Variants in UGGT1 observed in about 807,000 individuals in gnomAD.
The protein encoded by UGGT1 is UDP-glucose:glycoprotein glucosyltransferase 1.
In UGGT1, 107 loss-of-function variants were observed where a neutral mutation model predicts 203.9. The observed-to-expected ratio is 0.52, with a 90% CI of 0.45 to 0.62. The LOEUF (loss-of-function observed/expected upper bound fraction) is 0.62. Among genes scored for constraint, UGGT1 ranks in the 20% least tolerant of loss-of-function variants. The pLI is 0.00. For synonymous variants in UGGT1, 628 were observed against 653.5 expected, an observed-to-expected ratio of 0.96 and a Z score of 0.59; for missense variants, 1,673 against 1,867.2, an observed-to-expected ratio of 0.90 and a Z score of 1.92.
At position 128,187,491 on chromosome 2, in the gene UGGT1, G is replaced by A. The variant is rs750336555; in HGVS notation, c.4519G>A (p.Val1507Met). The A allele has an allele frequency of 6.2e-7, 1 of 1,614,168 alleles. No homozygotes were observed. The highest frequency in any genetic ancestry group is 1.1e-5 in the South Asian group (1 of 91,074). Residue 1507 changes from valine to methionine, a missense_variant, in exon 40 of 41, where the codon GTG (valine) becomes ATG (methionine). By Grantham distance (21) the Val-to-Met change is conservative (BLOSUM62 1). Transcript: ENST00000259253. ...MTKEPKLEAAVRIVPEWQDYD... is the reference protein window; with the variant it reads ...MTKEPKLEAAMRIVPEWQDYD... ...CAAAGAGCCGAAACTGGAAGCAGCT[G>A]TGCGGATTGTCCCGGAGTGGCAGGA...
In UGGT1 at chr2:128,159,785, G is replaced by C. The variant is rs1690438683; in HGVS notation, c.2562+65G>C. Reference sequence around the variant, plus strand: ...CTGCCACGGAAGCTCACCCACTGCAGCTTACGTGTCCGGTTCATGATCACG... The same window carrying C: ...CTGCCACGGAAGCTCACCCACTGCACCTTACGTGTCCGGTTCATGATCACG... On this transcript the variant is annotated intron_variant, in intron 23 of 40. Coordinates refer to ENST00000259253, the MANE Select transcript of UGGT1 (RefSeq NM_020120.4). 3 of 1,498,490 alleles carry C rather than the reference G, an allele frequency of 2.0e-6. No individual in the cohort carries two copies. In the South Asian group the frequency reaches 3.6e-5, roughly 18 times the overall value. 92.8% of individuals were successfully genotyped at this position (1,498,490 alleles called of 1,614,324 possible).
intron 26 of UGGT1, among the ~76,000 whole-genome samples, chr2:128,165,084 A>G (rs1690722329): frequency 6.6e-6 from 1 of 152,230 alleles, no homozygotes; most frequent in Non-Finnish European, 1.5e-5. Context: ...TGTAGTAGAA[A>G]ATAGACTGCA....
intron 27 of UGGT1, among the ~76,000 whole-genome samples, chr2:128,170,902 A>G (rs1691062639): frequency 1.3e-5 from 2 of 152,146 alleles, no homozygotes; most frequent in Admixed American, 6.5e-5. Flanking sequence ...ATCCTTTGGC[A>G]TGTGAGCGGT....
chr2:128,101,233 C>T (rs970771649), intron 2 of UGGT1, among the ~76,000 whole-genome samples: 25 of 152,108 alleles, frequency 1.6e-4, no homozygotes, highest in Admixed American at 1.6e-3. Flanking sequence ...TGTGGGAGAC[C>T]CTGATGTTGG....
Position 128,133,373 on chromosome 2 carries a change from C to G in UGGT1, c.1497+113C>G, listed in dbSNP as rs538267195. On this transcript the variant is annotated intron_variant, in intron 14 of 40. Coordinates refer to ENST00000259253, the MANE Select transcript of UGGT1 (RefSeq NM_020120.4). ...CCTTTACTAGCTGCTTCCTCCCCCA[C>G]CCTTCACCAAATACTCTTCCCTGTT... 10 of 1,374,428 alleles carry G rather than the reference C, an allele frequency of 7.3e-6. No homozygotes were observed. In the South Asian group the frequency reaches 1.2e-4, roughly 17 times the overall value. 85.1% of individuals were successfully genotyped at this position (1,374,428 alleles called of 1,614,324 possible). A position where few individuals can be genotyped will look rare whatever the true frequency, so the allele number is the denominator to read the frequency against.
In UGGT1 at chr2:128,152,831, G is replaced by A; in HGVS notation, c.2064G>A (p.Gln688=). 3 of 1,613,664 alleles carry A rather than the reference G, an allele frequency of 1.9e-6. No homozygotes were observed. Among genetic ancestry groups the A allele is most frequent in the Non-Finnish European group, 1.7e-6 (2 of 1,179,878 alleles). ...DQDVVEYIMN[Q]PNVVPRINSR... ...ATGTGGTAGAGTATATCATGAATCAGCCAAATGTTGTTCCACGAATCAATT... is the reference window on the plus strand; with the variant it reads ...ATGTGGTAGAGTATATCATGAATCAACCAAATGTTGTTCCACGAATCAATT... The change falls in exon 19 of 41, where the codon CAG becomes CAA. Residue 688 remains glutamine, a synonymous_variant. Coordinates refer to ENST00000259253, the MANE Select transcript of UGGT1 (RefSeq NM_020120.4).
chr2:128,133,493 C>T (rs11903649), intron 14 of UGGT1, among the ~76,000 whole-genome samples: 64,550 of 151,972 alleles, frequency 0.42, 14,041 homozygotes, highest in East Asian at 0.65. Context: ...GGGAAATGCT[C>T]ATTTTTAACA....
chr2:128,101,634 T>C (rs1687377395), intron 2 of UGGT1, among the ~76,000 whole-genome samples: 2 of 152,198 alleles, frequency 1.3e-5, no homozygotes, highest in Non-Finnish European at 2.9e-5. Flanking sequence ...AGCTTTTCCA[T>C]TGACTAACTC....
At chr2:128,144,268 T>C (rs1689574237) in intron 17 of UGGT1, among the ~76,000 whole-genome samples, 1 of 152,234 alleles carries the variant, frequency 6.6e-6, no homozygotes, top group Non-Finnish European at 1.5e-5. Flanking sequence ...TATTTTTAGT[T>C]AGCTGTTGAT....
chr2:128,162,143 G>C (rs1690557484), intron 25 of UGGT1, among the ~76,000 whole-genome samples: 2 of 151,614 alleles, frequency 1.3e-5, no homozygotes. Flanking sequence ...TGAGCATCTT[G>C]TCATGTGCAG....
At chr2:128,134,047 C>CG (rs1553437724) in intron 14 of UGGT1, among the ~76,000 whole-genome samples, 56 of 151,950 alleles carry the variant, frequency 3.7e-4, no homozygotes, top group African/African-American at 9.6e-4. Context: ...TTCTTCCCCC[C>CG]ACTCCCGCAG....
At chr2:128,133,316 CT>C (rs1226287032) in intron 14 of UGGT1, 56 bp downstream of exon 14, 8 of 1,592,536 alleles carry the variant, frequency 5.0e-6, no homozygotes, top group Admixed American at 3.4e-5. Flanking sequence ...CCTAGTCCCT[CT>C]TTTTTTGTCA....
intron 13 of UGGT1, 145 bp from the exon 14 acceptor site, chr2:128,132,996 T>A: frequency 9.9e-7 from 1 of 1,009,540 alleles, no homozygotes; most frequent in Non-Finnish European, 1.4e-6. Flanking sequence ...TGTGAGCCAC[T>A]CACTGCAGCC....
At chr2:128,153,315 A>G (rs1690068922) in intron 19 of UGGT1, among the ~76,000 whole-genome samples, 1 of 152,214 alleles carries the variant, frequency 6.6e-6, no homozygotes, top group Non-Finnish European at 1.5e-5. Flanking sequence ...CTGAGAACTT[A>G]GGAAGGCCTT....
chr2:128,182,095 T>G, intron 36 of UGGT1, 35 bp from the exon 37 acceptor site: 1 of 1,605,012 alleles, frequency 6.2e-7, no homozygotes, highest in Non-Finnish European at 8.5e-7. Context: ...GCTGTCTGCA[T>G]GGTTGCTTAA....
At chr2:128,188,716 C>T (rs973908463) in intron 40 of UGGT1, among the ~76,000 whole-genome samples, 8 of 152,144 alleles carry the variant, frequency 5.3e-5, no homozygotes, top group African/African-American at 9.6e-5. Flanking sequence ...AGGCTGAAGT[C>T]GGAGGATTGC....
At chr2:128,169,300 G>A (rs535019110) in intron 26 of UGGT1, among the ~76,000 whole-genome samples, 1 of 152,224 alleles carries the variant, frequency 6.6e-6, no homozygotes, top group African/African-American at 2.4e-5. Flanking sequence ...CAACCCAGAA[G>A]TTAGAGGCTT....
intron 29 of UGGT1, 37 bp downstream of exon 29, chr2:128,172,799 TG>T (rs1558818513): frequency 4.4e-6 from 7 of 1,576,754 alleles, no homozygotes; most frequent in Non-Finnish European, 6.1e-6. Context: ...TACCTAATCA[TG>T]TATAATACAG....
At position 128,127,328 on chromosome 2, in the gene UGGT1, C is replaced by T. The variant is rs776126082; in HGVS notation, c.1135-33C>T. The T allele has an allele frequency of 7.3e-6, 11 of 1,497,386 alleles. No individual in the cohort carries two copies. In the South Asian group the frequency reaches 1.2e-4, roughly 16 times the overall value. The allele number at this position is 1,497,386 out of a possible 1,614,324, so 92.8% of individuals were successfully genotyped here. A position where few individuals can be genotyped will look rare whatever the true frequency, so the allele number is the denominator to read the frequency against. Reference sequence around the variant, plus strand: ...TAAAATTTTTTTTAAAACATTCTCTCACAGCTCCCTAATAATTATTAAAAT... The same window carrying T: ...TAAAATTTTTTTTAAAACATTCTCTTACAGCTCCCTAATAATTATTAAAAT... On this transcript the variant is annotated intron_variant, in intron 11 of 40. Transcript: ENST00000259253.
Sources: gnomAD v4.1 joint callset for allele counts (sites outside exome capture counted in the v4.1 genomes callset) on GRCh38, gnomAD v4.1.1 for gene constraint, MANE v1.5 for transcripts, NCBI Gene and HGNC (gene_info 2026-07-23, HGNC 2026-07-21) for gene names.